TC2N: variants seen among roughly 807,000 people sequenced by gnomAD.
TC2N encodes tandem C2 domains, nuclear, also known as tandem C2 domains nuclear protein.
A neutral mutation model predicts 61.9 loss-of-function variants in TC2N; 51 were observed. The observed-to-expected ratio is 0.82, with a 90% CI of 0.66 to 1.04. TC2N has a LOEUF of 1.04. Among genes scored for constraint, TC2N ranks in the 50% least tolerant of loss-of-function variants. The probability of loss-of-function intolerance (pLI) is 0.00; values close to 1 mark genes in which losing one functional copy is unlikely to be tolerated. For synonymous variants in TC2N, 204 were observed against 192.6 expected (o/e 1.06, Z -0.49); for missense variants, 556 against 566.7 (o/e 0.98, Z 0.19).
intron 1 of TC2N, among the ~76,000 whole-genome samples, chr14:91,817,079 A>G (rs1002556444): frequency 6.6e-6 from 1 of 151,950 alleles, no homozygotes; most frequent in African/African-American, 2.4e-5. Flanking sequence ...GGATCATATT[A>G]AACTTCTAAA....
In TC2N at chr14:91,797,911, T is replaced by A; in HGVS notation, c.739-10A>T. 1 of 1,469,478 alleles carries A rather than the reference T, an allele frequency of 6.8e-7. No individual in the cohort carries two copies. Among genetic ancestry groups the A allele is most frequent in the Non-Finnish European group, 9.4e-7 (1 of 1,062,386 alleles). 91.0% of individuals were successfully genotyped at this position (1,469,478 alleles called of 1,614,324 possible). A position where few individuals can be genotyped will look rare whatever the true frequency, so the allele number is the denominator to read the frequency against. ...AACTTAAATCTCTGCACTAAAAAAA[T>A]TAAAAATACAGTTTGAATTTTACAA... On this transcript the variant is annotated splice_polypyrimidine_tract_variant and intron_variant, in intron 7 of 11. Coordinates refer to ENST00000435962, the MANE Select transcript of TC2N (RefSeq NM_001128596.3).
rs951004265 is a variant in TC2N at position 91,800,172 on chromosome 14, T to C, written c.561+109A>G. 5 of 558,162 alleles carry C rather than the reference T, an allele frequency of 9.0e-6. No individual in the cohort carries two copies. In the Admixed American group the frequency reaches 1.8e-4, roughly 20 times the overall value. 34.6% of individuals were successfully genotyped at this position (558,162 alleles called of 1,614,324 possible). ...TTTATTCTTCAGATATCAGAACAGATACATCTACAAAAAATATACAGCATA... is the reference window on the plus strand; with the variant it reads ...TTTATTCTTCAGATATCAGAACAGACACATCTACAAAAAATATACAGCATA... On this transcript the variant is annotated intron_variant, in intron 5 of 11. Coordinates refer to ENST00000435962, the MANE Select transcript of TC2N (RefSeq NM_001128596.3).
intron 8 of TC2N, 32 bp from the exon 9 acceptor site, chr14:91,792,590 A>G: frequency 8.5e-7 from 1 of 1,181,712 alleles, no homozygotes; most frequent in Non-Finnish European, 1.2e-6. Context: ...CATAAAATAT[A>G]TAAATAAAAG....
In TC2N at chr14:91,837,758, G is replaced by A. The variant is rs1180554599; in HGVS notation, c.-56-23933C>T. On this transcript the variant is annotated intron_variant, in intron 1 of 11. Transcript: ENST00000435962. The surrounding 1 kb of genome is among the most constrained non-coding windows in gnomAD (Gnocchi z 4.2). ...AGCATTTTACAGGCATAAGAACCAT[G>A]TTTTACTTTCTTTGATCCTGCATCT... 6.6e-6 allele frequency among the ~76,000 whole-genome samples: 1 copy of A among 152,170 alleles called. No individual in the cohort carries two copies. Among genetic ancestry groups the A allele is most frequent in the Non-Finnish European group, 1.5e-5 (1 of 68,020 alleles).
rs1449059637 is a variant in TC2N at position 91,837,623 on chromosome 14, C to T, written c.-56-23798G>A. Among the ~76,000 whole-genome samples the T allele has an allele frequency of 1.3e-5, 2 of 152,230 alleles. No individual in the cohort carries two copies. The highest frequency in any genetic ancestry group is 2.9e-5 in the Non-Finnish European group (2 of 68,034). ...TTCCCAGAGTGAGTTCTGTCCATCT[C>T]AAGGTCCTAGAGATGCTGCAGTGGG... On this transcript the variant is annotated intron_variant, in intron 1 of 11. Transcript: ENST00000435962. This position sits in a 1 kb window ranked among gnomAD's most constrained non-coding sequence, Gnocchi z 4.2.
At chr14:91,831,801 AG>A (rs1887781999) in intron 1 of TC2N, among the ~76,000 whole-genome samples, 1 of 152,192 alleles carries the variant, frequency 6.6e-6, no homozygotes. Context: ...AGTAAAATTG[AG>A]AAGGTACAGA....
chr14:91,797,714 A>T, intron 8 of TC2N, 71 bp downstream of exon 8: 1 of 984,630 alleles, frequency 1.0e-6, no homozygotes, highest in Non-Finnish European at 1.6e-6. Context: ...TGACTTGTTT[A>T]CATGGGTAAA....
Position 91,781,782 on chromosome 14 carries a change from G to C in TC2N, c.*1318C>G, listed in dbSNP as rs563511620. The C allele has an allele frequency of 2.6e-5, 4 of 152,174 alleles. No individual in the cohort carries two copies. The East Asian group carries it at 7.7e-4, about 29-fold the overall frequency. 9.4% of individuals were successfully genotyped at this position (152,174 alleles called of 1,614,324 possible). A position where few individuals can be genotyped will look rare whatever the true frequency, so the allele number is the denominator to read the frequency against. On this transcript the variant is annotated 3_prime_UTR_variant, in exon 12 of 12. Coordinates refer to ENST00000435962, the MANE Select transcript of TC2N (RefSeq NM_001128596.3). ...GGATATAAGATGTGGACATTTTGTA[G>C]CTTGAGGAGATGGCACCTAGGGAAA...
rs1004340448 is a variant in TC2N, at chr14:91,780,756, T to G, written c.*2344A>C. On this transcript the variant is annotated 3_prime_UTR_variant, in exon 12 of 12. Transcript: ENST00000435962. Reference sequence around the variant, plus strand: ...AAGTTATTTTGGCATAGAATCTCATTTTTTACTACCAGCTCCTAACGTTTT... The same window carrying G: ...AAGTTATTTTGGCATAGAATCTCATGTTTTACTACCAGCTCCTAACGTTTT... The G allele has an allele frequency of 6.6e-6, 1 of 152,166 alleles. No individual in the cohort carries two copies. The highest frequency in any genetic ancestry group is 1.5e-5 in the Non-Finnish European group (1 of 68,002). The allele number at this position is 152,166 out of a possible 1,614,324, so 9.4% of individuals were successfully genotyped here. A position where few individuals can be genotyped will look rare whatever the true frequency, so the allele number is the denominator to read the frequency against.
chr14:91,865,563 G>A (rs968527139), intron 1 of TC2N, among the ~76,000 whole-genome samples: 2 of 151,930 alleles, frequency 1.3e-5, no homozygotes, highest in Non-Finnish European at 2.9e-5. Context: ...GATTTGCTAA[G>A]TGCTCACGTT....
intron 3 of TC2N, among the ~76,000 whole-genome samples, chr14:91,802,858 A>G (rs561827882): frequency 2.0e-5 from 3 of 152,178 alleles, no homozygotes; most frequent in Non-Finnish European, 4.4e-5. Context: ...CATACAAAGT[A>G]CGTTTTCTTA....
chr14:91,789,239 G>T (rs1885520966), intron 9 of TC2N, among the ~76,000 whole-genome samples: 1 of 151,850 alleles, frequency 6.6e-6, no homozygotes, highest in Admixed American at 6.6e-5. Flanking sequence ...ACTTGCCAAG[G>T]TTATTTCACA....
intron 1 of TC2N, among the ~76,000 whole-genome samples, chr14:91,825,478 G>A (rs1440309967): frequency 6.6e-6 from 1 of 152,036 alleles, no homozygotes; most frequent in East Asian, 1.9e-4. Flanking sequence ...AAGGTCCTTC[G>A]TCTGCTTTAA....
chr14:91,823,738 A>T (rs1252782618), intron 1 of TC2N, among the ~76,000 whole-genome samples: 1 of 152,170 alleles, frequency 6.6e-6, no homozygotes, highest in Non-Finnish European at 1.5e-5. Flanking sequence ...CTACATAGCC[A>T]CATGTTTGCT....
intron 9 of TC2N, among the ~76,000 whole-genome samples, chr14:91,792,033 G>A (rs1885682095): frequency 6.6e-6 from 1 of 151,976 alleles, no homozygotes; most frequent in Admixed American, 6.6e-5. Flanking sequence ...GCGGGAGAAT[G>A]GCGTGAACCC....
intron 1 of TC2N, among the ~76,000 whole-genome samples, chr14:91,815,849 A>G (rs1886980123): frequency 6.6e-6 from 1 of 151,700 alleles, no homozygotes; most frequent in Admixed American, 6.6e-5. Flanking sequence ...AATCATTTCA[A>G]GTATTAATAC....
At chr14:91,788,691 A>T (rs1343752375) in intron 9 of TC2N, among the ~76,000 whole-genome samples, 1 of 152,212 alleles carries the variant, frequency 6.6e-6, no homozygotes, top group Admixed American at 6.5e-5. Context: ...CATTGACAGA[A>T]GCTTGGTGTT....
intron 1 of TC2N, among the ~76,000 whole-genome samples, chr14:91,834,339 C>A (rs888534925): frequency 1.3e-5 from 2 of 152,332 alleles, no homozygotes; most frequent in Admixed American, 1.3e-4. Context: ...CAGCTTCTTG[C>A]TCTCAGCTTC....
In TC2N at chr14:91,797,921, A is replaced by C. The variant is rs763563252; in HGVS notation, c.739-20T>G. The C allele has an allele frequency of 1.2e-5, 17 of 1,413,766 alleles. No homozygotes were observed. The allele number at this position is 1,413,766 out of a possible 1,614,324, so 87.6% of individuals were successfully genotyped here. A position where few individuals can be genotyped will look rare whatever the true frequency, so the allele number is the denominator to read the frequency against. On this transcript the variant is annotated intron_variant, in intron 7 of 11. Transcript: ENST00000435962. ...TCTGCACTAAAAAAATTAAAAATAC[A>C]GTTTGAATTTTACAAAGGATCCAAC...
Sources: allele counts gnomAD v4.1 joint callset (sites outside exome capture counted in the v4.1 genomes callset), GRCh38; gene constraint gnomAD v4.1.1; non-coding constraint Gnocchi (gnomAD v3.1); transcripts MANE v1.5; gene names NCBI Gene and HGNC (gene_info 2026-07-23, HGNC 2026-07-21).